The following KCNS1 variants were observed in gnomAD, a reference collection of about 807,000 sequenced individuals.
KCNS1 encodes potassium voltage-gated channel modifier subfamily S member 1.
In KCNS1, 26 loss-of-function variants were observed where a neutral mutation model predicts 33.1. That is an observed-to-expected ratio of 0.79 (90% confidence interval 0.58 to 1.09). The LOEUF is 1.09. Ranked by LOEUF, KCNS1 falls within the 50% of genes least tolerant of loss-of-function variation. The pLI is 0.00. For synonymous variants in KCNS1, 299 were observed against 338.8 expected (o/e 0.88, Z 1.29); for missense variants, 702 against 752.4 (o/e 0.93, Z 0.78).
Position 45,094,977 on chromosome 20 carries a change from C to T in KCNS1, c.1474G>A (p.Val492Met). ...GATGTCTCCAGAGATGCCTCCGACA[C>T]CCCATCAATGCTGCTCAGCAAGTCC... ...FEDLLSSIDG[V>M]SEASLETSRE... The change falls in exon 4 of 4, where the codon GTG becomes ATG. Residue 492 changes from valine to methionine, a missense_variant. Val to Met is a conservative substitution (Grantham distance 21, BLOSUM62 1). This residue lies in a region of KCNS1 where 75 missense variants were observed against 72.7 expected (regional missense o/e 1.03). Coordinates refer to ENST00000537075, the MANE Select transcript of KCNS1 (RefSeq NM_001322799.2). 1 of 1,613,876 alleles carries T rather than the reference C, an allele frequency of 6.2e-7. No individual in the cohort carries two copies. The highest frequency in any genetic ancestry group is 2.2e-5 in the East Asian group (1 of 44,858).
At chr20:45,097,599 T>C (rs566117360) in intron 3 of KCNS1, 63 bp downstream of exon 3, 296 of 1,484,794 alleles carry the variant, frequency 2.0e-4, no homozygotes, top group Admixed American at 3.9e-4. Flanking sequence ...TAAGTTCACC[T>C]GCTAACCTGC....
chr20:45,096,202 A>G (rs1252072672), intron 3 of KCNS1, among the ~76,000 whole-genome samples: 1 of 152,196 alleles, frequency 6.6e-6, no homozygotes, highest in Non-Finnish European at 1.5e-5. Context: ...ATGTCTAGAA[A>G]GCTTCCAAGT....
Position 45,098,782 on chromosome 20 carries a change from G to T in KCNS1, c.77-87C>A. 8.4e-7 allele frequency: 1 copy of T among 1,193,354 alleles called. No homozygotes were observed. Among genetic ancestry groups the T allele is most frequent in the Non-Finnish European group, 1.1e-6 (1 of 929,724 alleles). 73.9% of individuals were successfully genotyped at this position (1,193,354 alleles called of 1,614,324 possible). A position where few individuals can be genotyped will look rare whatever the true frequency, so the allele number is the denominator to read the frequency against. ...TAAAATCCCCTCCTCCATCCAACCA[G>T]CCAAGGGGTGTTGGAGGCTGTGTGT... is the stretch of plus-strand genomic sequence containing the variant. On this transcript the variant is annotated intron_variant, in intron 2 of 3. Coordinates refer to ENST00000537075, the MANE Select transcript of KCNS1 (RefSeq NM_001322799.2). This position sits in a 1 kb window ranked among gnomAD's most constrained non-coding sequence, Gnocchi z 5.2.
rs41282748 is a variant in KCNS1, at chr20:45,093,142, C to G, written c.*1728G>C. On this transcript the variant is annotated 3_prime_UTR_variant, in exon 4 of 4. Coordinates refer to ENST00000537075, the MANE Select transcript of KCNS1 (RefSeq NM_001322799.2). ...GGGGAACCTGAGAGTGCATGCCTCACGCAAAGGCATTCAGATTCTTAAAAT... is the reference window on the plus strand; with the variant it reads ...GGGGAACCTGAGAGTGCATGCCTCAGGCAAAGGCATTCAGATTCTTAAAAT... 1 of 152,004 alleles carries G rather than the reference C, an allele frequency of 6.6e-6. No individual in the cohort carries two copies. The highest frequency in any genetic ancestry group is 1.9e-4 in the East Asian group (1 of 5,174). 9.4% of individuals were successfully genotyped at this position (152,004 alleles called of 1,614,324 possible). A position where few individuals can be genotyped will look rare whatever the true frequency, so the allele number is the denominator to read the frequency against.
Position 45,098,340 on chromosome 20 carries a change from G to A in KCNS1, c.432C>T (p.Gly144=). The A allele has an allele frequency of 6.4e-7, 1 of 1,572,720 alleles. No individual in the cohort carries two copies. Among genetic ancestry groups the A allele is most frequent in the Non-Finnish European group, 8.6e-7 (1 of 1,160,008 alleles). The change falls in exon 3 of 4, where the codon GGC becomes GGT. Residue 144 remains glycine (G), a synonymous_variant. Transcript: ENST00000537075. The surrounding 1 kb of genome is among the most constrained non-coding windows in gnomAD (Gnocchi z 5.2). ...GGCAGCACGCGGCAAGCGCGTTCTC[G>A]CCTAGGCCCCAGTAGTCGGCCTCCT... ...FGQEADYWGL[G]ENALAACCRA...
rs1303258413 is a variant in KCNS1 at position 45,092,879 on chromosome 20, T to G, written c.*1991A>C. On this transcript the variant is annotated 3_prime_UTR_variant, in exon 4 of 4. Coordinates refer to ENST00000537075, the MANE Select transcript of KCNS1 (RefSeq NM_001322799.2). ...TCTCACTTTCTCGGGCCATGGTCCCTGATACATTATACACACCTGTACTTA... is the reference window on the plus strand; with the variant it reads ...TCTCACTTTCTCGGGCCATGGTCCCGGATACATTATACACACCTGTACTTA... 2 of 152,144 alleles carry G rather than the reference T, an allele frequency of 1.3e-5. No individual in the cohort carries two copies. The highest frequency in any genetic ancestry group is 2.9e-5 in the Non-Finnish European group (2 of 68,028). 9.4% of individuals were successfully genotyped at this position (152,144 alleles called of 1,614,324 possible).
chr20:45,096,771 C>T (rs1452159515), intron 3 of KCNS1, among the ~76,000 whole-genome samples: 3 of 152,212 alleles, frequency 2.0e-5, no homozygotes, highest in African/African-American at 4.8e-5. Context: ...AAACCTCTCA[C>T]GAGCTCTCCT....
rs780945603 is a variant in KCNS1, at chr20:45,097,535, TGGCACAAAGGAC to T, written c.1110+115_1110+126del. On this transcript the variant is annotated intron_variant, in intron 3 of 3. Coordinates refer to ENST00000537075, the MANE Select transcript of KCNS1 (RefSeq NM_001322799.2). ...TACACCTGGTGTGCAGCCCTGTGCC[TGGCACAAAGGAC>T]GGCATCTCAGTTGAACGTTAAGCCT... 2.0e-5 allele frequency: 19 copies of T among 939,326 alleles called. No homozygotes were observed. In the Middle Eastern group the frequency reaches 1.0e-3, roughly 49 times the overall value. 58.2% of individuals were successfully genotyped at this position (939,326 alleles called of 1,614,324 possible).
Position 45,092,893 on chromosome 20 carries a change from C to T in KCNS1, c.*1977G>A, listed in dbSNP as rs1408406311. The stretch of plus-strand genomic sequence containing the variant: ...GCCATGGTCCCTGATACATTATACA[C>T]ACCTGTACTTAGTAGAGCTCGCTAT... On this transcript the variant is annotated 3_prime_UTR_variant, in exon 4 of 4. Transcript: ENST00000537075. 1.3e-5 allele frequency: 2 copies of T among 152,124 alleles called. No homozygotes were observed. Among genetic ancestry groups the T allele is most frequent in the African/African-American group, 4.8e-5 (2 of 41,406 alleles). The allele number at this position is 152,124 out of a possible 1,614,324, so 9.4% of individuals were successfully genotyped here.
intron 2 of KCNS1, 143 bp downstream of exon 2, chr20:45,099,018 G>T: frequency 1.2e-6 from 1 of 820,276 alleles, no homozygotes; most frequent in Non-Finnish European, 1.9e-6. Flanking sequence ...AGGATGTCCT[G>T]GCACCTAGTG....
intron 3 of KCNS1, among the ~76,000 whole-genome samples, chr20:45,097,168 A>G (rs994908091): frequency 2.0e-5 from 3 of 152,220 alleles, no homozygotes; most frequent in Non-Finnish European, 4.4e-5. Context: ...TAAATTGATA[A>G]TGGATGTGAA....
rs1981009582 is a variant in KCNS1, at chr20:45,091,881, AGGGT to A, written c.*2985_*2988del. On this transcript the variant is annotated 3_prime_UTR_variant, in exon 4 of 4. Transcript: ENST00000537075. Reference sequence around the variant, plus strand: ...GTTTCCCCCTGGAGTCTCCAGAGGGAGGGTGGCCCTGCTGACATCTTGATTTTGG... The same window carrying A: ...GTTTCCCCCTGGAGTCTCCAGAGGGAGGCCCTGCTGACATCTTGATTTTGG... 6.6e-6 allele frequency among the ~76,000 whole-genome samples: 1 copy of A among 152,168 alleles called. No homozygotes were observed. The highest frequency in any genetic ancestry group is 1.5e-5 in the Non-Finnish European group (1 of 68,030).
intron 3 of KCNS1, among the ~76,000 whole-genome samples, chr20:45,096,944 C>T (rs976422928): frequency 1.1e-4 from 17 of 152,256 alleles, no homozygotes; most frequent in Non-Finnish European, 2.9e-5. Flanking sequence ...ACACGCCGTT[C>T]GCCTTGCCTC....
Position 45,092,202 on chromosome 20 carries a change from T to C in KCNS1, c.*2668A>G, listed in dbSNP as rs896933130. ...ACAAAGTTTGTGCCAAATCCAGGAC[T>C]GGAGCCTGAGAATGTGGATTCCAAG... On this transcript the variant is annotated 3_prime_UTR_variant, in exon 4 of 4. Transcript: ENST00000537075. 6.6e-6 allele frequency: 1 copy of C among 152,196 alleles called. No homozygotes were observed. Among genetic ancestry groups the C allele is most frequent in the Admixed American group, 6.5e-5 (1 of 15,282 alleles). The allele number at this position is 152,196 out of a possible 1,614,324, so 9.4% of individuals were successfully genotyped here. A position where few individuals can be genotyped will look rare whatever the true frequency, so the allele number is the denominator to read the frequency against.
Position 45,094,802 on chromosome 20 carries a change from A to G in KCNS1, c.*68T>C. On this transcript the variant is annotated 3_prime_UTR_variant, in exon 4 of 4. Transcript: ENST00000537075. The stretch of plus-strand genomic sequence containing the variant: ...GAGTGATCCTGGGAGGCTCACTACC[A>G]TGAAGAACTTTAGCAGGGGAGGAAT... 3.1e-6 allele frequency: 4 copies of G among 1,307,874 alleles called. No individual in the cohort carries two copies. Among genetic ancestry groups the G allele is most frequent in the Non-Finnish European group, 4.3e-6 (4 of 934,710 alleles). The allele number at this position is 1,307,874 out of a possible 1,614,324, so 81.0% of individuals were successfully genotyped here.
Position 45,094,933 on chromosome 20 carries a change from C to T in KCNS1, c.1518G>A (p.Glu506=). The change falls in exon 4 of 4, where the codon GAG becomes GAA. Residue 506 remains glutamate, a synonymous_variant. Transcript: ENST00000537075. ...SLETSRETSQ[E]GQSADLESQA... ...GGCTCTCTAGATCTGCAGACTGTCC[C>T]TCCTGAGAGGTTTCTCGGGATGTCT... 1 of 1,613,926 alleles carries T rather than the reference C, an allele frequency of 6.2e-7. No individual in the cohort carries two copies. The highest frequency in any genetic ancestry group is 1.6e-4 in the Middle Eastern group (1 of 6,062).
At position 45,097,976 on chromosome 20, in the gene KCNS1, C is replaced by A; in HGVS notation, c.796G>T (p.Val266Leu). The stretch of plus-strand genomic sequence containing the variant: ...CGTCGCAGCACCGGGTCGTCGCGCA[C>A]GCCTTCCGGGCTGCGGCCCGCGGCC... ...AVAAGRSPEGVRDDPVLRRLE... is the reference protein window; with the variant it reads ...AVAAGRSPEGLRDDPVLRRLE... The change falls in exon 3 of 4, where the codon GTG becomes TTG. Residue 266 changes from valine to leucine, a missense_variant. Physicochemically the swap from Val to Leu is conservative, Grantham distance 32. Around this residue, in one of 3 missense-constraint regions of KCNS1, gnomAD observed 253 missense variants for 327.4 expected, o/e 0.77. Transcript: ENST00000537075. 6.4e-7 allele frequency: 1 copy of A among 1,550,688 alleles called. No individual in the cohort carries two copies. The highest frequency in any genetic ancestry group is 2.5e-5 in the East Asian group (1 of 40,728).
chr20:45,091,805 G>A lies in KCNS1; in HGVS notation c.*3065C>T, dbSNP rs541294353. Reference sequence around the variant, plus strand: ...CTTGAGTGATGCAGCCACAGCCAAGGAAAGCCAAGAATGGTGGCAGCCACC... The same window carrying A: ...CTTGAGTGATGCAGCCACAGCCAAGAAAAGCCAAGAATGGTGGCAGCCACC... On this transcript the variant is annotated 3_prime_UTR_variant, in exon 4 of 4. Transcript: ENST00000537075. Among the ~76,000 whole-genome samples, 5 of 152,254 alleles carry A rather than the reference G, an allele frequency of 3.3e-5. No individual in the cohort carries two copies. The South Asian group carries it at 8.3e-4, about 25-fold the overall frequency.
In KCNS1 at chr20:45,098,782, G is replaced by C; in HGVS notation, c.77-87C>G. 2.5e-6 allele frequency: 3 copies of C among 1,193,278 alleles called. No individual in the cohort carries two copies. Among genetic ancestry groups the C allele is most frequent in the Non-Finnish European group, 3.2e-6 (3 of 929,656 alleles). The allele number at this position is 1,193,278 out of a possible 1,614,324, so 73.9% of individuals were successfully genotyped here. A position where few individuals can be genotyped will look rare whatever the true frequency, so the allele number is the denominator to read the frequency against. ...TAAAATCCCCTCCTCCATCCAACCAGCCAAGGGGTGTTGGAGGCTGTGTGT... is the reference window on the plus strand; with the variant it reads ...TAAAATCCCCTCCTCCATCCAACCACCCAAGGGGTGTTGGAGGCTGTGTGT... On this transcript the variant is annotated intron_variant, in intron 2 of 3. Transcript: ENST00000537075. This position sits in a 1 kb window ranked among gnomAD's most constrained non-coding sequence, Gnocchi z 5.2.
Sources: gnomAD v4.1 joint callset for allele counts (sites outside exome capture counted in the v4.1 genomes callset) on GRCh38, gnomAD v4.1.1 for gene constraint, gnomAD v4.1.1 regional missense constraint, Gnocchi (gnomAD v3.1) non-coding constraint, MANE v1.5 for transcripts, NCBI Gene and HGNC (gene_info 2026-07-23, HGNC 2026-07-21) for gene names.